Variants in STMN2 observed in about 807,000 individuals in gnomAD.
The protein encoded by STMN2 is stathmin-2.
A neutral mutation model predicts 24.1 loss-of-function variants in STMN2; 2 were observed. The observed-to-expected ratio is 0.08, with a 90% confidence interval of 0.03 to 0.26. The LOEUF (loss-of-function observed/expected upper bound fraction) is 0.26. Among genes scored for constraint, STMN2 ranks in the 10% least tolerant of loss-of-function variants. STMN2 has a pLI of 1.00. For missense variants in STMN2, 114 were observed against 213.6 expected, an observed-to-expected ratio of 0.53 and a Z score of 2.91; for synonymous variants, 83 against 77.5, an observed-to-expected ratio of 1.07 and a Z score of -0.37.
At chr8:79,643,291 TA>T (rs1810152177) in intron 3 of STMN2, among the ~76,000 whole-genome samples, 1 of 151,414 alleles carries the variant, frequency 6.6e-6, no homozygotes. Context: ...TTTTTATTGT[TA>T]TTTTTAGCTT....
intron 1 of STMN2, among the ~76,000 whole-genome samples, chr8:79,629,546 T>C (rs1809749288): frequency 6.6e-6 from 1 of 152,186 alleles, no homozygotes; most frequent in Non-Finnish European, 1.5e-5. Context: ...TTTAGAAAAC[T>C]GTTGAGAAAA....
intron 4 of STMN2, among the ~76,000 whole-genome samples, chr8:79,657,776 A>T: frequency 6.6e-6 from 1 of 152,250 alleles, no homozygotes. Flanking sequence ...TGGATTTAAT[A>T]CAAAATTGTG....
chr8:79,649,946 C>T (rs866638940), intron 3 of STMN2, among the ~76,000 whole-genome samples: 3 of 152,282 alleles, frequency 2.0e-5, no homozygotes, highest in Middle Eastern at 3.4e-3. Context: ...TTTCGCTTCA[C>T]GTACCTCTCA....
At chr8:79,626,682 C>A (rs1809662163) in intron 1 of STMN2, among the ~76,000 whole-genome samples, 1 of 152,140 alleles carries the variant, frequency 6.6e-6, no homozygotes, top group Non-Finnish European at 1.5e-5. Context: ...GAGGGACAGC[C>A]CCTCCCTGCT....
At chr8:79,615,412 A>G (rs1257052837) in intron 1 of STMN2, among the ~76,000 whole-genome samples, 2 of 152,190 alleles carry the variant, frequency 1.3e-5, no homozygotes, top group Non-Finnish European at 2.9e-5. Context: ...AGCTCACACC[A>G]GTTTCTTTTT....
chr8:79,641,663 CACACACACAT>C (rs949911078), intron 3 of STMN2, 113 bp downstream of exon 3: 16 of 809,256 alleles, frequency 2.0e-5, no homozygotes, highest in South Asian at 1.4e-4. Context: ...CACACACACA[CACACACACAT>C]ACAGAGAGCA....
Position 79,664,987 on chromosome 8 carries a change from T to TA in STMN2, c.*114dup. On this transcript the variant is annotated 3_prime_UTR_variant, in exon 5 of 5. Coordinates refer to ENST00000220876, the MANE Select transcript of STMN2 (RefSeq NM_007029.4). ...ATGACATGGTTTAAAAAGAACTCAT[T>TA]ATAAAAAAAAAAAAACAAAAAAAAT... 1 of 834,040 alleles carries TA rather than the reference T, an allele frequency of 1.2e-6. No homozygotes were observed. Among genetic ancestry groups the TA allele is most frequent in the East Asian group, 3.8e-5 (1 of 26,306 alleles). 51.7% of individuals were successfully genotyped at this position (834,040 alleles called of 1,614,324 possible).
At chr8:79,652,718 C>G (rs76465273) in intron 3 of STMN2, among the ~76,000 whole-genome samples, 1,734 of 152,124 alleles carry the variant, frequency 0.011, 37 homozygotes, top group African/African-American at 0.04. Flanking sequence ...ACCTTGCAAA[C>G]ATTATTTTGT....
intron 3 of STMN2, among the ~76,000 whole-genome samples, chr8:79,652,364 G>T (rs766357288): frequency 2.6e-5 from 4 of 152,120 alleles, no homozygotes; most frequent in East Asian, 1.9e-4. Flanking sequence ...AAGGTGCAAA[G>T]CTGTCTCCTC....
chr8:79,619,065 A>C (rs1585873618), intron 1 of STMN2, among the ~76,000 whole-genome samples: 1 of 151,522 alleles, frequency 6.6e-6, no homozygotes, highest in East Asian at 1.9e-4. Flanking sequence ...CTAGGACTGA[A>C]TGATTTTTTT....
In STMN2 at chr8:79,633,045, T is replaced by C. The variant is rs185428491; in HGVS notation, c.20-3757T>C. The stretch of plus-strand genomic sequence containing the variant: ...CTTTGCACTATTTCCCTTAGCCGGG[T>C]ACATAATCTGCTGTGCTTTATTCAT... On this transcript the variant is annotated intron_variant, in intron 1 of 4. Transcript: ENST00000220876. Among the ~76,000 whole-genome samples the C allele has an allele frequency of 7.2e-5, 11 of 152,308 alleles. No individual in the cohort carries two copies. In the East Asian group the frequency reaches 2.1e-3, roughly 29 times the overall value.
At chr8:79,663,443 T>C (rs1006529254) in intron 4 of STMN2, 1 of 445,104 alleles carries the variant, frequency 2.2e-6, no homozygotes, top group Non-Finnish European at 3.9e-6. Context: ...AGGGAATTAA[T>C]ACAGGTAAAA....
chr8:79,664,731 G>A, intron 4 of STMN2, 84 bp from the exon 5 acceptor site: 1 of 1,341,408 alleles, frequency 7.5e-7, no homozygotes, highest in South Asian at 1.5e-5. Flanking sequence ...CACCAAACTG[G>A]GTTACTTCTA....
chr8:79,643,147 G>GTA (rs1345234934), intron 3 of STMN2, among the ~76,000 whole-genome samples: 17 of 80,754 alleles, frequency 2.1e-4, no homozygotes, highest in African/African-American at 6.4e-4. Flanking sequence ...GTATGTGTGT[G>GTA]TGTATATATA....
intron 4 of STMN2, among the ~76,000 whole-genome samples, chr8:79,660,795 C>T (rs1025317453): frequency 6.6e-6 from 1 of 151,994 alleles, no homozygotes; most frequent in Non-Finnish European, 1.5e-5. Context: ...TTTCATCCCT[C>T]GCCCCCACTC....
rs1040037756 is a variant in STMN2 at position 79,665,526 on chromosome 8, G to C, written c.*652G>C. ...TGTGCTTTGGCTTTAGAAAGGGATG[G>C]ATGAGAAGACAGACCTGAGACCAAT... On this transcript the variant is annotated 3_prime_UTR_variant, in exon 5 of 5. Coordinates refer to ENST00000220876, the MANE Select transcript of STMN2 (RefSeq NM_007029.4). The C allele has an allele frequency of 6.5e-6, 1 of 154,428 alleles. No homozygotes were observed. The highest frequency in any genetic ancestry group is 2.4e-5 in the African/African-American group (1 of 41,536). The allele number at this position is 154,428 out of a possible 1,614,324, so 9.6% of individuals were successfully genotyped here.
rs1167575912 is a variant in STMN2, at chr8:79,631,335, A to G, written c.20-5467A>G. On this transcript the variant is annotated intron_variant, in intron 1 of 4. Transcript: ENST00000220876. The stretch of plus-strand genomic sequence containing the variant: ...CTTAAATGTCCCTTTATTTCATTTG[A>G]TATCCATTCCCATAGAAAAACTATA... 4.9e-6 allele frequency: 3 copies of G among 614,910 alleles called. No individual in the cohort carries two copies. In the African/African-American group the frequency reaches 6.0e-5, roughly 12 times the overall value. 38.1% of individuals were successfully genotyped at this position (614,910 alleles called of 1,614,324 possible).
intron 3 of STMN2, among the ~76,000 whole-genome samples, chr8:79,647,197 T>A (rs1395289119): frequency 6.6e-6 from 1 of 152,200 alleles, no homozygotes; most frequent in Non-Finnish European, 1.5e-5. Context: ...TAACTATTAA[T>A]AAATTATCTT....
At chr8:79,663,605 T>C in intron 4 of STMN2, 2 of 1,529,902 alleles carry the variant, frequency 1.3e-6, no homozygotes, top group Non-Finnish European at 1.7e-6. Context: ...TCTTCTGAAC[T>C]AAAAGAATCT....
Sources: gnomAD v4.1 joint callset for allele counts (sites outside exome capture counted in the v4.1 genomes callset) on GRCh38, gnomAD v4.1.1 for gene constraint, MANE v1.5 for transcripts, NCBI Gene and HGNC (gene_info 2026-07-23, HGNC 2026-07-21) for gene names.